Variants in CFAP251 observed in about 807,000 individuals in gnomAD.
CFAP251 encodes cilia and flagella associated protein 251, also known as cilia- and flagella-associated protein 251.
In CFAP251, 93 loss-of-function variants were observed where a neutral mutation model predicts 126.7. The observed-to-expected ratio is 0.73, with a 90% CI of 0.62 to 0.87. CFAP251 has a LOEUF of 0.87. Among genes scored for constraint, CFAP251 ranks in the 40% least tolerant of loss-of-function variants. The probability of loss-of-function intolerance (pLI) is 0.00; values close to 1 mark genes in which losing one functional copy is unlikely to be tolerated. For synonymous variants in CFAP251, 503 were observed against 506.9 expected, an observed-to-expected ratio of 0.99 and a Z score of 0.10; for missense variants, 1,287 against 1,389.2, an observed-to-expected ratio of 0.93 and a Z score of 1.17.
At position 121,975,354 on chromosome 12, in the gene CFAP251, A is replaced by G. The variant is rs758828354; in HGVS notation, c.2862+20A>G. ...TACAGGGTAATTGTCCCTAGAGTAA[A>G]CACCTCCTGGTAACATCTAGTTAAG... On this transcript the variant is annotated intron_variant, in intron 18 of 21. Coordinates refer to ENST00000288912, the MANE Select transcript of CFAP251 (RefSeq NM_144668.6). 6.2e-7 allele frequency: 1 copy of G among 1,608,304 alleles called. No individual in the cohort carries two copies. The highest frequency in any genetic ancestry group is 8.5e-7 in the Non-Finnish European group (1 of 1,174,914).
chr12:121,970,650 C>T (rs1037758811), intron 17 of CFAP251, among the ~76,000 whole-genome samples: 6 of 152,206 alleles, frequency 3.9e-5, no homozygotes, highest in African/African-American at 1.4e-4. Flanking sequence ...CCCTAATGAC[C>T]TCTTTTCTGT....
intron 7 of CFAP251, among the ~76,000 whole-genome samples, chr12:121,945,768 C>T (rs1429051627): frequency 1.3e-5 from 2 of 152,038 alleles, no homozygotes; most frequent in Non-Finnish European, 2.9e-5. Flanking sequence ...TGGGTTCACG[C>T]CATTCTCCTG....
At chr12:121,951,877 C>T (rs1174784383) in intron 9 of CFAP251, among the ~76,000 whole-genome samples, 2 of 151,886 alleles carry the variant, frequency 1.3e-5, no homozygotes, top group Non-Finnish European at 2.9e-5. Context: ...TGCCACCACG[C>T]CCGGCTAATT....
In CFAP251 at chr12:121,925,780, G is replaced by A. The variant is rs1249980779; in HGVS notation, c.747+1790G>A. On this transcript the variant is annotated intron_variant, in intron 3 of 21. Coordinates refer to ENST00000288912, the MANE Select transcript of CFAP251 (RefSeq NM_144668.6). ...CTCGCTTAGCCTTGGTCTCACTGCG[G>A]AACCAAAACGGCAGAACCAAAAATT... Among the ~76,000 whole-genome samples the A allele has an allele frequency of 2.0e-5, 3 of 152,188 alleles. No homozygotes were observed. The South Asian group carries it at 6.2e-4, about 32-fold the overall frequency.
rs1882541688 is a variant in CFAP251 at position 121,978,641 on chromosome 12, A to T, written c.3006+2956A>T. On this transcript the variant is annotated intron_variant, in intron 19 of 21. Coordinates refer to ENST00000288912, the MANE Select transcript of CFAP251 (RefSeq NM_144668.6). ...TATATATATGTATATACCTATATAT[A>T]TCAACATTATACAGAGGATGCGTGT... Among the ~76,000 whole-genome samples, 6 of 152,238 alleles carry T rather than the reference A, an allele frequency of 3.9e-5. No homozygotes were observed. In the South Asian group the frequency reaches 1.2e-3, roughly 32 times the overall value.
chr12:121,954,660 A>AAAAAAC (rs1881661797), intron 10 of CFAP251, among the ~76,000 whole-genome samples: 1 of 146,746 alleles, frequency 6.8e-6, no homozygotes, highest in Non-Finnish European at 1.5e-5. Flanking sequence ...AAAAAAAAAA[A>AAAAAAC]AAAAAAAACC....
At chr12:121,961,868 G>A (rs1881950399) in intron 14 of CFAP251, 110 bp from the exon 15 acceptor site, 3 of 1,133,854 alleles carry the variant, frequency 2.6e-6, no homozygotes, top group Non-Finnish European at 3.8e-6. Context: ...CCCCAGAACA[G>A]CACTGTTGGC....
chr12:121,969,134 A>G, intron 17 of CFAP251: 1 of 985,344 alleles, frequency 1.0e-6, no homozygotes, highest in Non-Finnish European at 1.2e-6. Context: ...AACAAACCTG[A>G]TTCCTGGCTG....
chr12:121,928,583 A>G (rs1323814978), intron 3 of CFAP251, among the ~76,000 whole-genome samples: 1 of 147,766 alleles, frequency 6.8e-6, no homozygotes, highest in East Asian at 2.0e-4. Flanking sequence ...TCAGCACTCT[A>G]CTGCATTTGA....
intron 19 of CFAP251, among the ~76,000 whole-genome samples, chr12:121,983,135 G>A (rs1044984793): frequency 6.6e-5 from 10 of 152,274 alleles, no homozygotes; most frequent in Admixed American, 5.9e-4. Flanking sequence ...GCTGAGGTGG[G>A]AAGGATCGAA....
At chr12:121,922,479 G>T (rs1880226777) in intron 2 of CFAP251, among the ~76,000 whole-genome samples, 1 of 152,042 alleles carries the variant, frequency 6.6e-6, no homozygotes, top group Non-Finnish European at 1.5e-5. Context: ...CACAGGAGAT[G>T]AAACAGGGCC....
intron 7 of CFAP251, among the ~76,000 whole-genome samples, chr12:121,943,994 A>G (rs138759161): frequency 9.2e-5 from 14 of 152,280 alleles, no homozygotes; most frequent in Admixed American, 2.6e-4. Context: ...TGTAAAACTA[A>G]CTCTGAGGAG....
At chr12:121,921,251 G>A in intron 1 of CFAP251, 35 bp from the exon 2 acceptor site, 1 of 1,526,890 alleles carries the variant, frequency 6.5e-7, no homozygotes. Context: ...GGGAAGCTGA[G>A]GGCCAGCTGG....
chr12:121,925,790 G>A (rs2135745877), intron 3 of CFAP251, among the ~76,000 whole-genome samples: 1 of 152,232 alleles, frequency 6.6e-6, no homozygotes, highest in East Asian at 1.9e-4. Flanking sequence ...GAACCAAAAC[G>A]GCAGAACCAA....
At chr12:121,957,373 T>A in intron 11 of CFAP251, 105 bp downstream of exon 11, 2 of 1,133,132 alleles carry the variant, frequency 1.8e-6, no homozygotes, top group Non-Finnish European at 2.5e-6. Flanking sequence ...GATATCTCCC[T>A]GGCTGATTGT....
intron 19 of CFAP251, among the ~76,000 whole-genome samples, chr12:121,978,392 T>TAAAAAAAAAA (rs1882528696): frequency 2.0e-4 from 1 of 5,024 alleles, no homozygotes; most frequent in African/African-American, 2.5e-3. Flanking sequence ...AGACTCTGTC[T>TAAAAAAAAAA]CAAAAAAAAA....
At chr12:121,942,364 A>G (rs1010986752) in intron 5 of CFAP251, among the ~76,000 whole-genome samples, 170 bp from the exon 6 acceptor site, 1 of 152,136 alleles carries the variant, frequency 6.6e-6, no homozygotes, top group African/African-American at 2.4e-5. Context: ...ATGTCATAGC[A>G]TGCATCAGTG....
chr12:121,924,754 G>C (rs1290550799), intron 3 of CFAP251, among the ~76,000 whole-genome samples: 1 of 152,138 alleles, frequency 6.6e-6, no homozygotes. Flanking sequence ...TTAAAGTTCG[G>C]TTAAGAGCTC....
chr12:121,921,341 A>G lies in CFAP251; in HGVS notation c.36A>G (p.Thr12=). The change falls in exon 2 of 22, where the codon ACA becomes ACG. Residue 12 remains threonine (T), a synonymous_variant. Coordinates refer to ENST00000288912, the MANE Select transcript of CFAP251 (RefSeq NM_144668.6). ...CAGCAGAAGCTCCCCGAGAAGCAAC[A>G]GGAGAAAATGGAGAAACAGAAATGA... The part of the protein sequence containing the change: ...SDAAEAPREA[T]GENGETEMKE... The G allele has an allele frequency of 6.2e-7, 1 of 1,604,136 alleles. No individual in the cohort carries two copies. The highest frequency in any genetic ancestry group is 8.5e-7 in the Non-Finnish European group (1 of 1,177,504).
Sources: gnomAD v4.1 joint callset for allele counts (sites outside exome capture counted in the v4.1 genomes callset) on GRCh38, gnomAD v4.1.1 for gene constraint, MANE v1.5 for transcripts, NCBI Gene and HGNC (gene_info 2026-07-23, HGNC 2026-07-21) for gene names.